The following URB1 variants were observed in gnomAD, a reference collection of about 807,000 sequenced individuals.
The protein encoded by URB1 is nucleolar pre-ribosomal-associated protein 1.
URB1 carries 197 observed loss-of-function variants against 242.3 expected under a neutral mutation model. That is an observed-to-expected ratio of 0.81 (90% CI 0.72 to 0.91). URB1 has a LOEUF of 0.91. URB1 is among the 40% of genes least tolerant of loss of function. URB1 has a pLI of 0.00. For missense variants in URB1, 2,721 were observed against 2,860.5 expected (o/e 0.95, Z 1.11); for synonymous variants, 1,153 against 1,201.8 (o/e 0.96, Z 0.84).
At chr21:32,338,981 T>A (rs2032997096) in intron 25 of URB1, 81 bp from the exon 26 acceptor site, 1 of 1,324,356 alleles carries the variant, frequency 7.6e-7, no homozygotes, top group African/African-American at 1.5e-5. Flanking sequence ...ATTCTTTTTC[T>A]CAGTATTTTA....
chr21:32,344,821 T>A, intron 23 of URB1, 65 bp from the exon 24 acceptor site: 1 of 1,482,786 alleles, frequency 6.7e-7, no homozygotes, highest in Non-Finnish European at 9.0e-7. Flanking sequence ...TTACGTATAA[T>A]CCAGCATCAC....
At chr21:32,337,614 TCTC>T (rs951859984) in intron 26 of URB1, 100 bp from the exon 27 acceptor site, 260 of 921,360 alleles carry the variant, frequency 2.8e-4, no homozygotes, top group East Asian at 5.5e-4. Flanking sequence ...ATGCTGGAAA[TCTC>T]CTCCTCTGAA....
intron 24 of URB1, among the ~76,000 whole-genome samples, chr21:32,343,585 G>C (rs1314783545): frequency 2.0e-5 from 3 of 152,136 alleles, no homozygotes; most frequent in African/African-American, 4.8e-5. Context: ...TTCTTGGATA[G>C]GAATGTGGGG....
chr21:32,314,647 G>C lies in URB1; in HGVS notation c.*271C>G, dbSNP rs375809337. On this transcript the variant is annotated 3_prime_UTR_variant, in exon 39 of 39. Transcript: ENST00000382751. ...TCCAAGCCCCTAGAGAGGAAGGGGCGGCCTGACGAGGCACTGGATGGGCCT... is the reference window on the plus strand; with the variant it reads ...TCCAAGCCCCTAGAGAGGAAGGGGCCGCCTGACGAGGCACTGGATGGGCCT... 3.7e-6 allele frequency: 6 copies of C among 1,613,854 alleles called. No individual in the cohort carries two copies. The highest frequency in any genetic ancestry group is 5.1e-6 in the Non-Finnish European group (6 of 1,179,874).
intron 4 of URB1, among the ~76,000 whole-genome samples, chr21:32,381,333 A>G (rs1568833063): frequency 6.6e-6 from 1 of 152,198 alleles, no homozygotes; most frequent in Non-Finnish European, 1.5e-5. Context: ...CAGGATTTTA[A>G]CAATGCTTTC....
intron 15 of URB1, 101 bp from the exon 16 acceptor site, chr21:32,355,666 T>C: frequency 1.0e-6 from 1 of 977,208 alleles, no homozygotes; most frequent in East Asian, 2.7e-5. Flanking sequence ...TGGAGTGCAG[T>C]GGCATGATCT....
chr21:32,361,193 A>AAGAAAGAAAGAAAGAG, intron 12 of URB1, 70 bp from the exon 13 acceptor site: 1 of 914,548 alleles, frequency 1.1e-6, no homozygotes, highest in East Asian at 2.8e-5. Context: ...GAAAGAAAGA[A>AAGAAAGAAAGAAAGAG]AGAAAGAAAG....
chr21:32,333,235 T>C, intron 30 of URB1, 82 bp downstream of exon 30: 1 of 1,137,582 alleles, frequency 8.8e-7, no homozygotes, highest in Non-Finnish European at 1.3e-6. Flanking sequence ...ATGTGGTAAT[T>C]ATGGCAATAA....
At chr21:32,327,004 G>A (rs1159069639) in intron 30 of URB1, among the ~76,000 whole-genome samples, 1 of 152,046 alleles carries the variant, frequency 6.6e-6, no homozygotes, top group African/African-American at 2.4e-5. Flanking sequence ...GTGGGTATGT[G>A]TAATAGGGGG....
intron 21 of URB1, among the ~76,000 whole-genome samples, chr21:32,348,182 G>A (rs894834565): frequency 2.6e-5 from 4 of 152,176 alleles, no homozygotes; most frequent in Admixed American, 1.3e-4. Flanking sequence ...TGTGGGGGGC[G>A]GGCCGTGCAG....
Position 32,347,182 on chromosome 21 carries a change from G to A in URB1, c.3642C>T (p.Val1214=), listed in dbSNP as rs908452706. ...LQRDPVLAPA[V]GADLLDYCLA... Reference sequence around the variant, plus strand: ...GGCAGTAGTCAAGCAGATCAGCCCCGACTGCGGGGGCCAGCACAGGGTCTC... The same window carrying A: ...GGCAGTAGTCAAGCAGATCAGCCCCAACTGCGGGGGCCAGCACAGGGTCTC... The change falls in exon 22 of 39, where the codon GTC becomes GTT. Residue 1214 remains valine (V), a synonymous_variant. Transcript: ENST00000382751. 5.2e-6 allele frequency: 8 copies of A among 1,549,428 alleles called. No homozygotes were observed. Among genetic ancestry groups the A allele is most frequent in the African/African-American group, 2.7e-5 (2 of 73,028 alleles).
At position 32,319,266 on chromosome 21, in the gene URB1, G is replaced by A; in HGVS notation, c.5743C>T (p.Leu1915=). 1 of 1,551,346 alleles carries A rather than the reference G, an allele frequency of 6.4e-7. No homozygotes were observed. Among genetic ancestry groups the A allele is most frequent in the South Asian group, 1.2e-5 (1 of 83,984 alleles). Residue 1915 remains leucine, a synonymous_variant, in exon 36 of 39, where the codon CTG becomes TTG. Coordinates refer to ENST00000382751, the MANE Select transcript of URB1 (RefSeq NM_014825.3). ...QEPAKRLALH[L]VNEFLYVLIV... ...AGAACATAAAGGAACTCATTGACCA[G>A]GTGCAGGGCAAGCCGCTTGGCAGGC...
chr21:32,389,264 C>CT (rs1199819144), intron 1 of URB1, among the ~76,000 whole-genome samples: 1 of 151,952 alleles, frequency 6.6e-6, no homozygotes, highest in East Asian at 1.9e-4. Flanking sequence ...GGAGGGGTGA[C>CT]TGAGTGAGTG....
At chr21:32,369,114 G>A (rs9985084) in intron 8 of URB1, among the ~76,000 whole-genome samples, 22,413 of 152,096 alleles carry the variant, frequency 0.15, 2,206 homozygotes, top group African/African-American at 0.28. Context: ...AGGCCAAGGT[G>A]GGAGGATCAC....
At position 32,337,414 on chromosome 21, in the gene URB1, G is replaced by A; in HGVS notation, c.4611C>T (p.Leu1537=). Residue 1537 remains leucine (L), a synonymous_variant, in exon 27 of 39, where the codon CTC becomes CTT. Coordinates refer to ENST00000382751, the MANE Select transcript of URB1 (RefSeq NM_014825.3). Reference sequence around the variant, plus strand: ...CCCTCACACCCTCACCTAGGACGCTGAGAGTGGCGCCATAGGCCCCGAGAA... The same window carrying A: ...CCCTCACACCCTCACCTAGGACGCTAAGAGTGGCGCCATAGGCCCCGAGAA... ...AVLLGAYGAT[L]SVLDQKILLL... 6.4e-7 allele frequency: 1 copy of A among 1,551,456 alleles called. No individual in the cohort carries two copies.
chr21:32,311,337 C>T lies in URB1; in HGVS notation c.*3581G>A. The T allele has an allele frequency of 3.7e-6, 1 of 272,724 alleles. No individual in the cohort carries two copies. The highest frequency in any genetic ancestry group is 7.0e-6 in the Non-Finnish European group (1 of 143,310). 16.9% of individuals were successfully genotyped at this position (272,724 alleles called of 1,614,324 possible). On this transcript the variant is annotated 3_prime_UTR_variant, in exon 39 of 39. Coordinates refer to ENST00000382751, the MANE Select transcript of URB1 (RefSeq NM_014825.3). Reference sequence around the variant, plus strand: ...ACCATATCACCAAGATACAAGTTGGCTTGGGCTATGGATATAAAATGAACT... The same window carrying T: ...ACCATATCACCAAGATACAAGTTGGTTTGGGCTATGGATATAAAATGAACT...
chr21:32,321,723 C>G (rs984852389), intron 34 of URB1, 78 bp downstream of exon 34: 8 of 1,526,480 alleles, frequency 5.2e-6, no homozygotes, highest in African/African-American at 1.4e-5. Context: ...TGAATTCATA[C>G]GGACTTGACT....
At chr21:32,371,180 G>A (rs1157425359) in intron 8 of URB1, among the ~76,000 whole-genome samples, 1 of 152,108 alleles carries the variant, frequency 6.6e-6, no homozygotes, top group Non-Finnish European at 1.5e-5. Context: ...TGGGGAACAG[G>A]GAACGATGCA....
intron 30 of URB1, 133 bp downstream of exon 30, chr21:32,333,184 C>G: frequency 1.3e-6 from 1 of 784,720 alleles, no homozygotes; most frequent in Admixed American, 2.0e-5. Context: ...ATGAGGATGG[C>G]TGAAGATCCT....
Sources: allele counts gnomAD v4.1 joint callset (sites outside exome capture counted in the v4.1 genomes callset), GRCh38; gene constraint gnomAD v4.1.1; transcripts MANE v1.5; gene names NCBI Gene and HGNC (gene_info 2026-07-23, HGNC 2026-07-21).